SAMMSON: variants seen among roughly 807,000 people sequenced by gnomAD.
SAMMSON encodes the protein survival associated mitochondrial melanoma specific oncogenic non-coding RNA.
intron 4 of SAMMSON, among the ~76,000 whole-genome samples, chr3:70,107,953 C>T (rs1230516705): frequency 6.6e-6 from 1 of 152,054 alleles, no homozygotes; most frequent in East Asian, 1.9e-4. Flanking sequence ...ATCACAGTTT[C>T]ACTCTATGGT....
At chr3:70,150,952 C>A (rs1471053657) in intron 4 of SAMMSON, among the ~76,000 whole-genome samples, 1 of 151,896 alleles carries the variant, frequency 6.6e-6, no homozygotes, top group Non-Finnish European at 1.5e-5. Flanking sequence ...ATGTGACATT[C>A]TGGGTTATCA....
intron 7 of SAMMSON, among the ~76,000 whole-genome samples, chr3:70,351,827 G>C (rs1194723355): frequency 6.6e-6 from 1 of 152,096 alleles, no homozygotes; most frequent in African/African-American, 2.4e-5. Flanking sequence ...ATGGACAACT[G>C]TGACTCTACT....
At chr3:70,263,111 A>T (rs868107910) in intron 6 of SAMMSON, among the ~76,000 whole-genome samples, 7 of 152,118 alleles carry the variant, frequency 4.6e-5, no homozygotes, top group Middle Eastern at 3.2e-3. Flanking sequence ...GGACAGATTT[A>T]TAATAGTTGT....
chr3:70,162,011 A>G (rs545086353), intron 4 of SAMMSON, among the ~76,000 whole-genome samples: 11 of 151,564 alleles, frequency 7.3e-5, no homozygotes, highest in Admixed American at 2.0e-4. Flanking sequence ...AATTTTTGTG[A>G]TATGTGTCAT....
At chr3:70,045,479 C>A (rs2067123163) in intron 3 of SAMMSON, among the ~76,000 whole-genome samples, 1 of 151,580 alleles carries the variant, frequency 6.6e-6, no homozygotes, top group African/African-American at 2.4e-5. Context: ...ACCTGCTCAC[C>A]AATAGTCCAA....
At chr3:70,304,115 A>G (rs990270752) in intron 7 of SAMMSON, among the ~76,000 whole-genome samples, 3 of 152,104 alleles carry the variant, frequency 2.0e-5, no homozygotes, top group African/African-American at 7.2e-5. Context: ...GAAAGGCTCT[A>G]GGGCCTGCTT....
intron 7 of SAMMSON, among the ~76,000 whole-genome samples, chr3:70,326,833 TTGA>T (rs1389266350): frequency 6.6e-6 from 1 of 152,142 alleles, no homozygotes; most frequent in East Asian, 1.9e-4. Flanking sequence ...TTGTACATAT[TTGA>T]TGATGATGGT....
intron 4 of SAMMSON, among the ~76,000 whole-genome samples, chr3:70,247,723 C>T (rs1701721269): frequency 6.6e-6 from 1 of 151,422 alleles, no homozygotes; most frequent in Admixed American, 6.6e-5. Flanking sequence ...TGAGCATTTG[C>T]CAATGCAATA....
chr3:70,212,062 C>A (rs532781697), intron 4 of SAMMSON, among the ~76,000 whole-genome samples: 1 of 152,014 alleles, frequency 6.6e-6, no homozygotes, highest in African/African-American at 2.4e-5. Flanking sequence ...CCTTGAAGGC[C>A]GTATTTGTCC....
At chr3:70,301,019 A>G (rs1702343518) in intron 7 of SAMMSON, among the ~76,000 whole-genome samples, 1 of 152,068 alleles carries the variant, frequency 6.6e-6, no homozygotes, top group African/African-American at 2.4e-5. Context: ...CTTATTATCC[A>G]TTAAGTACCT....
At chr3:70,427,922 A>G (rs947146876) in intron 2 of SAMMSON, among the ~76,000 whole-genome samples, 1 of 152,144 alleles carries the variant, frequency 6.6e-6, no homozygotes, top group Admixed American at 6.6e-5. Flanking sequence ...AATATTTAGA[A>G]CCAGTTGTAT....
At chr3:70,179,312 A>G (rs756753956) in intron 4 of SAMMSON, among the ~76,000 whole-genome samples, 10 of 152,140 alleles carry the variant, frequency 6.6e-5, no homozygotes, top group Non-Finnish European at 1.5e-4. Context: ...GCACTTCTAC[A>G]TTTCTTGGAG....
intron 7 of SAMMSON, among the ~76,000 whole-genome samples, chr3:70,306,048 A>T (rs1559559513): frequency 6.6e-6 from 1 of 152,176 alleles, no homozygotes; most frequent in African/African-American, 2.4e-5. Flanking sequence ...TTCTATGTCA[A>T]CACTAAATAA....
intron 9 of SAMMSON, among the ~76,000 whole-genome samples, chr3:70,384,163 T>C (rs891317430): frequency 1.3e-5 from 2 of 152,108 alleles, no homozygotes; most frequent in Non-Finnish European, 2.9e-5. Flanking sequence ...CAAACATGAT[T>C]CAGTTGCTAC....
intron 4 of SAMMSON, chr3:70,126,540 C>A (rs2067459773): frequency 1.8e-6 from 1 of 564,510 alleles, no homozygotes; most frequent in South Asian, 1.9e-5. Flanking sequence ...GTTCGGTCGG[C>A]CGAGGCAGGG....
At chr3:70,342,406 G>A (rs1374443101) in intron 7 of SAMMSON, among the ~76,000 whole-genome samples, 2 of 152,166 alleles carry the variant, frequency 1.3e-5, no homozygotes, top group Non-Finnish European at 2.9e-5. Context: ...TAACTGCTTA[G>A]CTGGCTTAGA....
intron 9 of SAMMSON, among the ~76,000 whole-genome samples, chr3:70,387,261 A>G (rs1273919763): frequency 4.6e-5 from 7 of 152,080 alleles, no homozygotes; most frequent in Admixed American, 4.6e-4. Flanking sequence ...GTTGCATACC[A>G]TATATGGAAA....
chr3:70,350,188 T>C (rs987107619), intron 7 of SAMMSON, among the ~76,000 whole-genome samples: 1 of 152,192 alleles, frequency 6.6e-6, no homozygotes, highest in African/African-American at 2.4e-5. Flanking sequence ...ATGCAAAAAG[T>C]GTTCCTCAAA....
At chr3:70,066,743 G>A (rs996932359) in intron 3 of SAMMSON, among the ~76,000 whole-genome samples, 1 of 152,076 alleles carries the variant, frequency 6.6e-6, no homozygotes, top group African/African-American at 2.4e-5. Flanking sequence ...GAGTGGACAT[G>A]TTTAGGTTGA....
Sources: allele counts gnomAD v4.1 joint callset (sites outside exome capture counted in the v4.1 genomes callset), GRCh38; gene constraint gnomAD v4.1.1; transcripts MANE v1.5; gene names NCBI Gene and HGNC (gene_info 2026-07-23, HGNC 2026-07-21).